ACMSD: variants seen among roughly 807,000 people sequenced by gnomAD.
ACMSD encodes 2-amino-3-carboxymuconate-6-semialdehyde decarboxylase.
A neutral mutation model predicts 45.9 loss-of-function variants in ACMSD; 37 were observed. That is an observed-to-expected ratio of 0.81 (90% confidence interval 0.62 to 1.06). The LOEUF (loss-of-function observed/expected upper bound fraction) is 1.06, where lower values mean the gene tolerates loss of function less well. ACMSD is among the 50% of genes least tolerant of loss of function. The probability of loss-of-function intolerance (pLI) is 0.00; values close to 1 mark genes in which losing one functional copy is unlikely to be tolerated. For synonymous variants in ACMSD, 138 were observed against 148.8 expected (o/e 0.93, Z 0.53); for missense variants, 434 against 420.9 (o/e 1.03, Z -0.27).
At chr2:134,853,994 C>T (rs887369857) in intron 2 of ACMSD, among the ~76,000 whole-genome samples, 3 of 152,196 alleles carry the variant, frequency 2.0e-5, no homozygotes, top group Non-Finnish European at 4.4e-5. Flanking sequence ...TGGAAAATGG[C>T]TTCATAAACC....
At chr2:134,870,383 G>C (rs2104879736) in intron 6 of ACMSD, among the ~76,000 whole-genome samples, 1 of 152,318 alleles carries the variant, frequency 6.6e-6, no homozygotes, top group Middle Eastern at 3.4e-3. Flanking sequence ...CTAAATGCCA[G>C]GTGCTGTCTG....
intron 8 of ACMSD, among the ~76,000 whole-genome samples, chr2:134,887,170 T>C (rs1170454754): frequency 6.6e-6 from 1 of 152,178 alleles, no homozygotes; most frequent in Non-Finnish European, 1.5e-5. Flanking sequence ...CTCACATTGA[T>C]CTATAGAGTC....
intron 5 of ACMSD, 87 bp downstream of exon 5, chr2:134,863,718 C>A: frequency 2.2e-6 from 3 of 1,354,226 alleles, no homozygotes; most frequent in South Asian, 1.2e-5. Context: ...GGAGGTGAAG[C>A]GTCACCCCAC....
intron 8 of ACMSD, among the ~76,000 whole-genome samples, chr2:134,880,028 A>C (rs993978998): frequency 3.3e-5 from 5 of 152,312 alleles, no homozygotes; most frequent in South Asian, 2.1e-4. Flanking sequence ...GGAAGTATGG[A>C]GGATGAACTT....
intron 2 of ACMSD, among the ~76,000 whole-genome samples, chr2:134,855,508 CAGA>C (rs1559044212): frequency 1.3e-5 from 2 of 152,218 alleles, no homozygotes; most frequent in African/African-American, 2.4e-5. Flanking sequence ...TGGCCTTCTG[CAGA>C]AGAAGGCTAG....
At chr2:134,867,945 C>A (rs1266486434) in intron 6 of ACMSD, among the ~76,000 whole-genome samples, 1 of 151,970 alleles carries the variant, frequency 6.6e-6, no homozygotes, top group Non-Finnish European at 1.5e-5. Context: ...GATGGAGAAA[C>A]TGAGGCTTGG....
rs528474731 is a variant in ACMSD at position 134,897,970 on chromosome 2, G to A, written c.850-371G>A. 5.7e-4 allele frequency among the ~76,000 whole-genome samples: 85 copies of A among 148,988 alleles called. 1 individual carries two copies. The highest frequency in any genetic ancestry group is 1.1e-3 in the Non-Finnish European group (71 of 67,276). On this transcript the variant is annotated intron_variant, in intron 8 of 9. Transcript: ENST00000356140. ...TTAATAGTATGTTTTGAAAAACTGT[G>A]GAATCAATTGCAATGTATCATTCTA...
chr2:134,885,348 T>TAATATATATTTA (rs1689322805), intron 8 of ACMSD, among the ~76,000 whole-genome samples: 1 of 101,852 alleles, frequency 9.8e-6, no homozygotes, highest in East Asian at 4.4e-4. Context: ...TATTTATATA[T>TAATATATATTTA]AATATATATT....
At chr2:134,885,143 C>T (rs778648188) in intron 8 of ACMSD, among the ~76,000 whole-genome samples, 5 of 147,350 alleles carry the variant, frequency 3.4e-5, no homozygotes, top group Non-Finnish European at 7.4e-5. Flanking sequence ...TTGCAGTGAG[C>T]GGAGATCATG....
chr2:134,846,882 C>T (rs1285091805), intron 2 of ACMSD, among the ~76,000 whole-genome samples: 2 of 152,152 alleles, frequency 1.3e-5, no homozygotes, highest in African/African-American at 2.4e-5. Flanking sequence ...TATAAAGCAG[C>T]GATGTGATAG....
At chr2:134,899,392 T>C (rs1690366768) in intron 9 of ACMSD, among the ~76,000 whole-genome samples, 1 of 152,136 alleles carries the variant, frequency 6.6e-6, no homozygotes, top group African/African-American at 2.4e-5. Flanking sequence ...CTAAAAGTCT[T>C]GAACTGTTAA....
At chr2:134,849,931 AAC>A (rs1167593493) in intron 2 of ACMSD, among the ~76,000 whole-genome samples, 1 of 149,992 alleles carries the variant, frequency 6.7e-6, no homozygotes, top group Non-Finnish European at 1.5e-5. Flanking sequence ...AGCACCTAGA[AAC>A]ACACACTGAG....
At chr2:134,839,425 TAA>T (rs1315891940) in intron 1 of ACMSD, among the ~76,000 whole-genome samples, 1 of 152,134 alleles carries the variant, frequency 6.6e-6, no homozygotes, top group Non-Finnish European at 1.5e-5. Context: ...TGAATGAATA[TAA>T]AAAGAGGAAG....
intron 1 of ACMSD, among the ~76,000 whole-genome samples, 169 bp downstream of exon 1, chr2:134,838,908 T>A (rs1468473771): frequency 6.6e-6 from 1 of 152,248 alleles, no homozygotes; most frequent in Non-Finnish European, 1.5e-5. Context: ...GACTTTTATA[T>A]TTATTTTGAA....
At chr2:134,846,196 C>T (rs1687045413) in intron 2 of ACMSD, among the ~76,000 whole-genome samples, 2 of 152,130 alleles carry the variant, frequency 1.3e-5, no homozygotes, top group African/African-American at 4.8e-5. Context: ...AAATATTAAA[C>T]ATATGTAAGC....
chr2:134,848,283 G>A (rs548185813), intron 2 of ACMSD, among the ~76,000 whole-genome samples: 1 of 152,276 alleles, frequency 6.6e-6, no homozygotes, highest in South Asian at 2.1e-4. Context: ...ATAATCCTTT[G>A]GGTATATACC....
At chr2:134,870,880 C>T (rs1266059536) in intron 6 of ACMSD, 85 bp from the exon 7 acceptor site, 2 of 1,194,236 alleles carry the variant, frequency 1.7e-6, no homozygotes, top group Non-Finnish European at 2.5e-6. Flanking sequence ...TTTCTTTGCA[C>T]TGACAATTCC....
intron 5 of ACMSD, among the ~76,000 whole-genome samples, chr2:134,865,900 C>T (rs1249837106): frequency 6.6e-6 from 1 of 152,190 alleles, no homozygotes; most frequent in Non-Finnish European, 1.5e-5. Flanking sequence ...AAGTTAGCTT[C>T]TATCTGCCTT....
At chr2:134,871,819 T>C (rs1347890661) in intron 7 of ACMSD, among the ~76,000 whole-genome samples, 1 of 152,126 alleles carries the variant, frequency 6.6e-6, no homozygotes, top group African/African-American at 2.4e-5. Flanking sequence ...TTTTATGGTG[T>C]CATGTATGGC....
Sources: allele counts gnomAD v4.1 joint callset (sites outside exome capture counted in the v4.1 genomes callset), GRCh38; gene constraint gnomAD v4.1.1; transcripts MANE v1.5; gene names NCBI Gene and HGNC (gene_info 2026-07-23, HGNC 2026-07-21).